BMX: variants seen among roughly 807,000 people sequenced by gnomAD.
The protein encoded by BMX is cytoplasmic tyrosine-protein kinase BMX.
Under a neutral mutation model 59.2 loss-of-function variants are expected in BMX, and 31 were observed. The ratio of observed to expected loss-of-function variants is 0.52; its 90% CI spans 0.39 to 0.71. BMX has a LOEUF of 0.71. BMX is among the 30% of genes least tolerant of loss of function. The probability of loss-of-function intolerance (pLI) is 0.00; values close to 1 mark genes in which losing one functional copy is unlikely to be tolerated. For missense variants in BMX, 474 were observed against 491.7 expected (o/e 0.96, Z 0.34); for synonymous variants, 185 against 181.0 (o/e 1.02, Z -0.18).
intron 11 of BMX, among the ~76,000 whole-genome samples, chrX:15,532,737 T>A (rs1412766228): frequency 8.9e-6 from 1 of 112,355 alleles, no homozygotes; most frequent in Non-Finnish European, 1.9e-5. Flanking sequence ...TACCTACACT[T>A]GAGATAATAG....
At chrX:15,532,242 C>G (rs1052658194) in intron 11 of BMX, among the ~76,000 whole-genome samples, 2 of 111,381 alleles carry the variant, frequency 1.8e-5, no homozygotes, top group African/African-American at 6.5e-5. Context: ...AAAGACACCC[C>G]ACAGTCATCT....
chrX:15,527,743 C>T lies in BMX; in HGVS notation c.884+1648C>T, dbSNP rs1046252481. ...ATCTCTAACCCAGCCTGGTCCTAGC[C>T]ATACCTGTTGCATTGGGGAAGATGT... is the stretch of plus-strand genomic sequence containing the variant. On this transcript the variant is annotated intron_variant, in intron 9 of 18. Transcript: ENST00000348343. Among the ~76,000 whole-genome samples the T allele has an allele frequency of 1.2e-4, 13 of 111,831 alleles. No individual in the cohort carries two copies. In the Admixed American group the frequency reaches 1.2e-3, roughly 11 times the overall value.
At chrX:15,542,627 G>C (rs888811776) in intron 15 of BMX, among the ~76,000 whole-genome samples, 2 of 111,464 alleles carry the variant, frequency 1.8e-5, no homozygotes, top group East Asian at 5.6e-4. Flanking sequence ...GGAATGCTGT[G>C]TTTGGTATTC....
At chrX:15,505,789 A>G (rs1471803857) in intron 1 of BMX, among the ~76,000 whole-genome samples, 2 of 111,736 alleles carry the variant, frequency 1.8e-5, no homozygotes, top group Non-Finnish European at 3.8e-5. Flanking sequence ...CTTCCTTTCA[A>G]TACACAGAGG....
At chrX:15,533,431 T>A (rs1014556942) in intron 11 of BMX, among the ~76,000 whole-genome samples, 1 of 111,601 alleles carries the variant, frequency 9.0e-6, no homozygotes, top group African/African-American at 3.3e-5. Context: ...CACTTACAAG[T>A]AAAAATATGT....
Position 15,525,348 on chromosome X carries a change from C to A in BMX, c.813C>A (p.Thr271=). 8.3e-7 allele frequency: 1 copy of A among 1,206,899 alleles called. No homozygotes were observed. Among genetic ancestry groups the A allele is most frequent in the Non-Finnish European group, 1.1e-6 (1 of 891,821 alleles). The change falls in exon 8 of 19, where the codon ACC becomes ACA. Residue 271 remains threonine (T), a synonymous_variant. Coordinates refer to ENST00000348343, the MANE Select transcript of BMX (RefSeq NM_203281.3). ...SNQKERNVNH[T]TSKISWEFPE... ...AAAAAGAAAGAAATGTGAATCACAC[C>A]ACCTCAAAGATTTCATGGTAAATCA...
chrX:15,545,390 G>A (rs921962184), intron 16 of BMX, among the ~76,000 whole-genome samples: 1 of 112,701 alleles, frequency 8.9e-6, no homozygotes, highest in African/African-American at 3.2e-5. Context: ...TAATTCCAAA[G>A]TTTGCATCTT....
rs185834195 is a variant in BMX, at chrX:15,511,330, G to A, written c.244-107G>A. On this transcript the variant is annotated intron_variant, in intron 3 of 18. Transcript: ENST00000348343. ...TCTAATTCCAGAGCTGATGTATACT[G>A]TATAAGCAAACTCAAGGTTTCTTTT... The A allele has an allele frequency of 3.2e-3, 1,893 of 585,617 alleles. 7 individuals carry two copies. Among genetic ancestry groups the A allele is most frequent in the Non-Finnish European group, 2.9e-3 (1,073 of 372,106 alleles). The allele number at this position is 585,617 out of a possible 1,213,427, so 48.3% of individuals were successfully genotyped here.
chrX:15,536,851 T>A (rs1363671143), intron 13 of BMX, among the ~76,000 whole-genome samples: 1 of 111,445 alleles, frequency 9.0e-6, no homozygotes, highest in Admixed American at 9.6e-5. Flanking sequence ...ATTTTGATGC[T>A]AAGCCTCTCC....
At chrX:15,550,047 G>T in intron 18 of BMX, 50 bp downstream of exon 18, 1 of 1,154,335 alleles carries the variant, frequency 8.7e-7, no homozygotes, top group Non-Finnish European at 1.2e-6. Flanking sequence ...CACATCCGGG[G>T]TGATTACTGC....
intron 5 of BMX, among the ~76,000 whole-genome samples, 165 bp from the exon 6 acceptor site, chrX:15,517,764 C>T (rs1924229321): frequency 8.9e-6 from 1 of 112,240 alleles, no homozygotes. Flanking sequence ...AGGAGTTGGG[C>T]CTTATATAGG....
chrX:15,554,552 T>C (rs233573), intron 18 of BMX, among the ~76,000 whole-genome samples: 3,477 of 110,811 alleles, frequency 0.031, 86 homozygotes, highest in African/African-American at 0.085. Flanking sequence ...TGCAGAAATT[T>C]TTCTTAATAT....
At chrX:15,520,198 G>A (rs7350347) in intron 6 of BMX, among the ~76,000 whole-genome samples, 2 of 112,306 alleles carry the variant, frequency 1.8e-5, no homozygotes, top group South Asian at 7.3e-4. Flanking sequence ...GGTAGCCCTA[G>A]GAAACAATTA....
intron 16 of BMX, among the ~76,000 whole-genome samples, chrX:15,546,525 A>ATC (rs1042840983): frequency 2.6e-4 from 29 of 112,251 alleles, no homozygotes; most frequent in Non-Finnish European, 3.8e-5. Context: ...ATTACAGGTT[A>ATC]TCTTTAGGGT....
intron 7 of BMX, among the ~76,000 whole-genome samples, chrX:15,524,394 G>A (rs1924609963): frequency 8.9e-6 from 1 of 112,326 alleles, no homozygotes; most frequent in South Asian, 3.6e-4. Context: ...TGAGCATACA[G>A]TTCAGTAGTG....
intron 9 of BMX, among the ~76,000 whole-genome samples, chrX:15,529,570 C>G (rs1432327652): frequency 1.8e-5 from 2 of 112,727 alleles, no homozygotes; most frequent in Admixed American, 1.9e-4. Flanking sequence ...ATGTTATAAT[C>G]AGATTATTAC....
chrX:15,507,634 A>G (rs1217848755), intron 1 of BMX, among the ~76,000 whole-genome samples: 1 of 112,097 alleles, frequency 8.9e-6, no homozygotes, highest in African/African-American at 3.2e-5. Flanking sequence ...TTTTTCAGAA[A>G]TACCTTAAGT....
intron 8 of BMX, 36 bp downstream of exon 8, chrX:15,525,401 A>G (rs772891944): frequency 1.3e-5 from 15 of 1,133,938 alleles, no homozygotes; most frequent in Non-Finnish European, 1.6e-5. Flanking sequence ...CATCCAGAAT[A>G]TGCTTCCATT....
chrX:15,541,995 C>T lies in BMX; in HGVS notation c.1408C>T (p.Pro470Ser). ...TGTTATTTCCAGGAAACTCAGCCATCCCAAGCTGGTTAAATTCTATGGAGT... is the reference window on the plus strand; with the variant it reads ...TGTTATTTCCAGGAAACTCAGCCATTCCAAGCTGGTTAAATTCTATGGAGT... ...EAQTMMKLSH[P>S]KLVKFYGVCS... The change falls in exon 15 of 19, where the codon CCC becomes TCC. Residue 470 changes from proline to serine, a missense_variant. Coordinates refer to ENST00000348343, the MANE Select transcript of BMX (RefSeq NM_203281.3). The T allele has an allele frequency of 8.3e-7, 1 of 1,209,401 alleles. No homozygotes were observed.
Sources: allele counts gnomAD v4.1 joint callset (sites outside exome capture counted in the v4.1 genomes callset), GRCh38; gene constraint gnomAD v4.1.1; transcripts MANE v1.5; gene names NCBI Gene and HGNC (gene_info 2026-07-23, HGNC 2026-07-21).